SSBP2: variants seen among roughly 807,000 people sequenced by gnomAD.
SSBP2 encodes single-stranded DNA-binding protein 2.
Under a neutral mutation model 61.8 loss-of-function variants are expected in SSBP2, and 17 were observed. The ratio of observed to expected loss-of-function variants is 0.28; its 90% CI spans 0.19 to 0.41. The LOEUF is 0.41. Among genes scored for constraint, SSBP2 ranks in the 10% least tolerant of loss-of-function variants. The pLI is 1.00. For synonymous variants in SSBP2, 139 were observed against 141.3 expected, an observed-to-expected ratio of 0.98 and a Z score of 0.12; for missense variants, 310 against 458.7, an observed-to-expected ratio of 0.68 and a Z score of 2.96.
chr5:81,453,059 C>T (rs1182277682), intron 10 of SSBP2, among the ~76,000 whole-genome samples: 1 of 151,842 alleles, frequency 6.6e-6, no homozygotes. Flanking sequence ...CTTTGGGAGG[C>T]TGAGGTGGGA....
chr5:81,538,914 T>C (rs1771022957), intron 4 of SSBP2, among the ~76,000 whole-genome samples: 2 of 152,366 alleles, frequency 1.3e-5, no homozygotes, highest in South Asian at 2.1e-4. Context: ...AGGAGACTGA[T>C]GTTGTTTTCC....
In SSBP2 at chr5:81,663,211, C is replaced by T. The variant is rs116661728; in HGVS notation, c.63-12872G>A. Among the ~76,000 whole-genome samples, 567 of 152,230 alleles carry T rather than the reference C, an allele frequency of 3.7e-3. 6 individuals carry two copies. Among genetic ancestry groups the T allele is most frequent in the African/African-American group, 0.013 (545 of 41,560 alleles). On this transcript the variant is annotated intron_variant, in intron 1 of 16. Transcript: ENST00000320672. The stretch of plus-strand genomic sequence containing the variant: ...TCACAAACAAGTTTACCAAGAAACA[C>T]ATAAATAAAAGGTAAATACTGCCTT...
At chr5:81,595,740 C>T (rs1474480256) in intron 4 of SSBP2, among the ~76,000 whole-genome samples, 1 of 152,092 alleles carries the variant, frequency 6.6e-6, no homozygotes, top group Non-Finnish European at 1.5e-5. Context: ...AAGACAAAAA[C>T]CACATGATTA....
intron 15 of SSBP2, among the ~76,000 whole-genome samples, chr5:81,434,520 T>C (rs1265000748): frequency 6.6e-6 from 1 of 151,220 alleles, no homozygotes; most frequent in Non-Finnish European, 1.5e-5. Context: ...TCCCAGCTAC[T>C]TGGCAGGCTG....
chr5:81,477,497 A>C (rs1198623122), intron 6 of SSBP2, among the ~76,000 whole-genome samples: 1 of 152,018 alleles, frequency 6.6e-6, no homozygotes, highest in Non-Finnish European at 1.5e-5. Flanking sequence ...TTAGTTACTT[A>C]TTACTCCTCA....
At chr5:81,693,031 T>C (rs1041165803) in intron 1 of SSBP2, among the ~76,000 whole-genome samples, 6 of 151,610 alleles carry the variant, frequency 4.0e-5, no homozygotes, top group African/African-American at 9.7e-5. Context: ...CAGTGAAAGC[T>C]TGTCTCTACT....
chr5:81,743,741 C>G (rs1757178193), intron 1 of SSBP2, among the ~76,000 whole-genome samples: 1 of 152,160 alleles, frequency 6.6e-6, no homozygotes, highest in African/African-American at 2.4e-5. Flanking sequence ...GTTTTCCTCC[C>G]TGATTGGTGA....
chr5:81,467,337 T>C (rs1764958303), intron 8 of SSBP2, among the ~76,000 whole-genome samples: 1 of 152,054 alleles, frequency 6.6e-6, no homozygotes. Flanking sequence ...CTAAGATATG[T>C]ACAATAGTAA....
At chr5:81,697,892 A>G (rs1367171417) in intron 1 of SSBP2, among the ~76,000 whole-genome samples, 1 of 152,224 alleles carries the variant, frequency 6.6e-6, no homozygotes, top group Non-Finnish European at 1.5e-5. Context: ...AAATATTGAC[A>G]TTATGAAAAT....
Position 81,737,787 on chromosome 5 carries a change from C to CAA in SSBP2, c.62+13192_62+13193dup, listed in dbSNP as rs35211460. ...TGGGCAACAGAGTGAGACTCCATCT[C>CAA]AAAAAAAAAAAAAAAACAAAAAACT... On this transcript the variant is annotated intron_variant, in intron 1 of 16. Transcript: ENST00000320672. Among the ~76,000 whole-genome samples, 489 of 108,046 alleles carry CAA rather than the reference C, an allele frequency of 4.5e-3. 2 individuals are homozygous for CAA. The highest frequency in any genetic ancestry group is 0.019 in the Middle Eastern group (4 of 212). 70.9% of individuals were successfully genotyped at this position (108,046 alleles called of 152,430 possible).
chr5:81,436,571 C>T (rs1243843006), intron 15 of SSBP2, among the ~76,000 whole-genome samples: 1 of 151,848 alleles, frequency 6.6e-6, no homozygotes. Context: ...TTTTATTTTT[C>T]TTGGCAGCAG....
chr5:81,486,781 G>GTA (rs1253110309), intron 6 of SSBP2, among the ~76,000 whole-genome samples: 1 of 152,168 alleles, frequency 6.6e-6, no homozygotes, highest in African/African-American at 2.4e-5. Context: ...CTGCCCCGAT[G>GTA]TACTGAATTC....
At chr5:81,708,175 C>A (rs1039756118) in intron 1 of SSBP2, among the ~76,000 whole-genome samples, 1 of 152,058 alleles carries the variant, frequency 6.6e-6, no homozygotes, top group African/African-American at 2.4e-5. Context: ...CAGAAACTGG[C>A]TAAATCTTAA....
At chr5:81,548,181 T>C (rs1295167825) in intron 4 of SSBP2, among the ~76,000 whole-genome samples, 1 of 152,212 alleles carries the variant, frequency 6.6e-6, no homozygotes, top group Non-Finnish European at 1.5e-5. Flanking sequence ...TGGTAGTTGC[T>C]GAATGAACCC....
chr5:81,601,736 T>A (rs1157053508), intron 4 of SSBP2, among the ~76,000 whole-genome samples: 1 of 152,112 alleles, frequency 6.6e-6, no homozygotes, highest in Non-Finnish European at 1.5e-5. Flanking sequence ...CACCAAAGCA[T>A]CTTCCTAATT....
intron 2 of SSBP2, among the ~76,000 whole-genome samples, chr5:81,648,971 G>A (rs906375142): frequency 1.3e-5 from 2 of 151,690 alleles, no homozygotes; most frequent in Non-Finnish European, 2.9e-5. Flanking sequence ...TTAAAATACT[G>A]TACTTCACAC....
At chr5:81,682,687 T>C (rs1461785690) in intron 1 of SSBP2, among the ~76,000 whole-genome samples, 3 of 151,934 alleles carry the variant, frequency 2.0e-5, no homozygotes, top group African/African-American at 7.3e-5. Flanking sequence ...AAAACACAAA[T>C]AGGAAATAAA....
intron 4 of SSBP2, among the ~76,000 whole-genome samples, chr5:81,548,879 G>A (rs1420392703): frequency 4.6e-5 from 7 of 152,082 alleles, no homozygotes; most frequent in South Asian, 2.1e-4. Context: ...CCAAGATCAC[G>A]CCACTGCACT....
At chr5:81,751,373 A>T, upstream of SSBP2, 3 of 471,910 alleles carry the variant, frequency 6.4e-6, no homozygotes, top group Non-Finnish European at 1.2e-5. Context: ...CCCGGGCGCA[A>T]GGGGGGAATT....
Sources: gnomAD v4.1 joint callset for allele counts (sites outside exome capture counted in the v4.1 genomes callset) on GRCh38, gnomAD v4.1.1 for gene constraint, MANE v1.5 for transcripts, NCBI Gene and HGNC (gene_info 2026-07-23, HGNC 2026-07-21) for gene names.